Variants in EIF2B5 observed in about 807,000 individuals in gnomAD.
EIF2B5 encodes translation initiation factor eIF2B subunit epsilon.
Under a neutral mutation model 87.3 loss-of-function variants are expected in EIF2B5, and 38 were observed. The ratio of observed to expected loss-of-function variants is 0.44; its 90% CI spans 0.34 to 0.57. The LOEUF (loss-of-function observed/expected upper bound fraction) is 0.57, where lower values mean the gene tolerates loss of function less well. EIF2B5 is among the 20% of genes least tolerant of loss of function. The probability of loss-of-function intolerance (pLI) is 0.02; values close to 1 mark genes in which losing one functional copy is unlikely to be tolerated. For synonymous variants in EIF2B5, 313 were observed against 339.6 expected (o/e 0.92, Z 0.86); for missense variants, 784 against 909.5 (o/e 0.86, Z 1.78).
rs181129629 is a variant in EIF2B5 at position 184,144,975 on chromosome 3, G to A, written c.*32G>A. The A allele has an allele frequency of 4.7e-4, 763 of 1,607,476 alleles. No homozygotes were observed. Among genetic ancestry groups the A allele is most frequent in the Non-Finnish European group, 6.2e-4 (732 of 1,175,388 alleles). On this transcript the variant is annotated 3_prime_UTR_variant, in exon 16 of 16. Transcript: ENST00000648915. The stretch of plus-strand genomic sequence containing the variant: ...ACTGCCTGCTCCTTTGGGTGTGATT[G>A]AGTGCCCTCCTGGCTCCTGGGCTGG...
intron 5 of EIF2B5, 127 bp from the exon 6 acceptor site, chr3:184,139,953 G>A (rs1713544685): frequency 1.5e-6 from 1 of 671,118 alleles, no homozygotes; most frequent in Admixed American, 2.3e-5. Context: ...AACCCAGGAG[G>A]TGGAGGTTGC....
chr3:184,137,575 C>G lies in EIF2B5; in HGVS notation c.321-45C>G, dbSNP rs1478385724. On this transcript the variant is annotated intron_variant, in intron 2 of 15. Transcript: ENST00000648915. ...GAAAAATGGGGAAGGCTCAAATGAT[C>G]TTTATGCTTGATACACTCATTCCCC... The G allele has an allele frequency of 6.9e-6, 11 of 1,594,182 alleles. No homozygotes were observed. In the African/African-American group the frequency reaches 9.4e-5, roughly 14 times the overall value.
intron 2 of EIF2B5, 145 bp downstream of exon 2, chr3:184,136,881 T>C (rs567030655): frequency 1.5e-5 from 17 of 1,159,818 alleles, no homozygotes; most frequent in Admixed American, 7.3e-5. Context: ...TCTACACTTA[T>C]CAGGAGGTGA....
Position 184,135,730 on chromosome 3 carries a change from C to G in EIF2B5, c.195+150C>G, listed in dbSNP as rs547667608. 17 of 1,115,534 alleles carry G rather than the reference C, an allele frequency of 1.5e-5. No homozygotes were observed. In the East Asian group the frequency reaches 4.4e-4, roughly 29 times the overall value. The allele number at this position is 1,115,534 out of a possible 1,614,324, so 69.1% of individuals were successfully genotyped here. A position where few individuals can be genotyped will look rare whatever the true frequency, so the allele number is the denominator to read the frequency against. On this transcript the variant is annotated intron_variant, in intron 1 of 15. Coordinates refer to ENST00000648915, the MANE Select transcript of EIF2B5 (RefSeq NM_003907.3). Reference sequence around the variant, plus strand: ...CCGGATGCAGAGGGACTGTCTAAACCCTGATGACTGCTGACCAAGTTAGTG... The same window carrying G: ...CCGGATGCAGAGGGACTGTCTAAACGCTGATGACTGCTGACCAAGTTAGTG...
intron 6 of EIF2B5, 72 bp downstream of exon 6, chr3:184,140,229 T>C: frequency 6.6e-7 from 1 of 1,512,580 alleles, no homozygotes; most frequent in Non-Finnish European, 9.2e-7. Flanking sequence ...CTGGTAACTT[T>C]TGATCTTTTT....
rs2109010735 is a variant in EIF2B5, at chr3:184,142,597, CTG to C, written c.1543_1544del (p.Trp515GlyfsTer11). On this transcript the variant is annotated frameshift_variant, in exon 10 of 16. Transcript: ENST00000648915. LOFTEE classifies it high-confidence loss of function. This position sits in a 1 kb window ranked among gnomAD's most constrained non-coding sequence, Gnocchi z 5.0. The part of the protein sequence containing the change: ...MEEEEELQQN[L>X]WGLKINMEEE... ...GGAAGAGGAGGAACTGCAGCAGAAT[CTG>C]TGGGGTGAGCTAGGCCTGATGCCTG... 2 of 1,613,602 alleles carry C rather than the reference CTG, an allele frequency of 1.2e-6. No individual in the cohort carries two copies. Among genetic ancestry groups the C allele is most frequent in the Non-Finnish European group, 1.7e-6 (2 of 1,179,730 alleles).
intron 14 of EIF2B5, 144 bp from the exon 15 acceptor site, chr3:184,144,453 A>G (rs937442232): frequency 2.9e-6 from 3 of 1,037,728 alleles, no homozygotes; most frequent in Admixed American, 2.0e-5. Context: ...CAGAAGTTAG[A>G]CCTGCCCCAG....
At position 184,142,692 on chromosome 3, in the gene EIF2B5, C is replaced by A; in HGVS notation, c.1547-87C>A. 1.9e-6 allele frequency: 3 copies of A among 1,550,600 alleles called. No individual in the cohort carries two copies. Among genetic ancestry groups the A allele is most frequent in the Non-Finnish European group, 2.6e-6 (3 of 1,135,566 alleles). On this transcript the variant is annotated intron_variant, in intron 10 of 15. Coordinates refer to ENST00000648915, the MANE Select transcript of EIF2B5 (RefSeq NM_003907.3). This position sits in a 1 kb window ranked among gnomAD's most constrained non-coding sequence, Gnocchi z 5.0. ...ACTTCAGAGTCACATTACTTATTCA[C>A]TCCTTTATTCAGGCAGACAGGGCAG...
At chr3:184,144,342 A>G in intron 14 of EIF2B5, 118 bp downstream of exon 14, 1 of 1,496,024 alleles carries the variant, frequency 6.7e-7, no homozygotes, top group South Asian at 1.1e-5. Flanking sequence ...TCCACTCCCA[A>G]TATGCTTATT....
chr3:184,144,807 G>A, intron 15 of EIF2B5, 77 bp from the exon 16 acceptor site: 1 of 1,586,944 alleles, frequency 6.3e-7, no homozygotes, highest in Middle Eastern at 1.7e-4. Context: ...CTGGTTGTTA[G>A]AGCTGTTTAT....
intron 5 of EIF2B5, among the ~76,000 whole-genome samples, chr3:184,139,533 G>A (rs1179436650): frequency 6.7e-5 from 10 of 150,322 alleles, no homozygotes; most frequent in East Asian, 2.0e-4. Context: ...TGCCTGCCTC[G>A]GCCTCCCAAA....
chr3:184,141,063 T>C (rs1263134395), intron 7 of EIF2B5, among the ~76,000 whole-genome samples: 4 of 152,238 alleles, frequency 2.6e-5, no homozygotes, highest in Admixed American at 2.6e-4. Flanking sequence ...CATTTAATCT[T>C]CATAATTTAC....
chr3:184,138,339 C>T, intron 5 of EIF2B5, 93 bp downstream of exon 5: 1 of 1,151,394 alleles, frequency 8.7e-7, no homozygotes, highest in Non-Finnish European at 1.3e-6. Flanking sequence ...TATTTCTTCT[C>T]CCTGTTTATT....
chr3:184,139,602 A>G (rs939593295), intron 5 of EIF2B5, among the ~76,000 whole-genome samples: 2 of 145,466 alleles, frequency 1.4e-5, no homozygotes, highest in African/African-American at 2.6e-5. Flanking sequence ...TTTAGAATCT[A>G]TTGTAAAGCA....
chr3:184,141,477 G>A (rs1713631779), intron 7 of EIF2B5, among the ~76,000 whole-genome samples: 1 of 152,170 alleles, frequency 6.6e-6, no homozygotes. Context: ...GCTGAGGCAG[G>A]AGGATTACCT....
Position 184,137,759 on chromosome 3 carries a change from G to A in EIF2B5, c.460G>A (p.Asp154Asn). 6.2e-7 allele frequency: 1 copy of A among 1,614,160 alleles called. No individual in the cohort carries two copies. The highest frequency in any genetic ancestry group is 8.5e-7 in the Non-Finnish European group (1 of 1,180,032). The part of the protein sequence containing the change: ...VRSDFLLVYG[D>N]VISNINITRA... ...CTCTGACTTTCTTCTGGTGTATGGG[G>A]ATGTCATCTCAAACATCAATATCAC... The change falls in exon 3 of 16, where the codon GAT becomes AAT. Residue 154 changes from aspartate (D) to asparagine (N), a missense_variant. By Grantham distance (23) the Asp-to-Asn change is conservative. Transcript: ENST00000648915.
chr3:184,136,851 T>G (rs1392348569), intron 2 of EIF2B5, 115 bp downstream of exon 2: 4 of 1,452,940 alleles, frequency 2.8e-6, no homozygotes, highest in Non-Finnish European at 3.8e-6. Flanking sequence ...TAGATGTCAT[T>G]GTAAGTTCTA....
intron 5 of EIF2B5, among the ~76,000 whole-genome samples, 184 bp from the exon 6 acceptor site, chr3:184,139,896 G>A (rs749228130): frequency 7.2e-5 from 11 of 151,762 alleles, no homozygotes; most frequent in African/African-American, 1.2e-4. Flanking sequence ...GGTGGCGGAC[G>A]CTTGTAATCC....
intron 13 of EIF2B5, chr3:184,143,825 T>A: frequency 1.5e-6 from 1 of 674,050 alleles, no homozygotes; most frequent in Non-Finnish European, 2.5e-6. Flanking sequence ...ACATTCAGAC[T>A]CTATGGCAGC....
Sources: allele counts gnomAD v4.1 joint callset (sites outside exome capture counted in the v4.1 genomes callset), GRCh38; gene constraint gnomAD v4.1.1; non-coding constraint Gnocchi (gnomAD v3.1); transcripts MANE v1.5; gene names NCBI Gene and HGNC (gene_info 2026-07-23, HGNC 2026-07-21).